Variants in ATRX observed in about 807,000 individuals in gnomAD.
ATRX encodes ATRX chromatin remodeler, also known as chromatin remodeler ATRX.
ATRX carries 12 observed loss-of-function variants against 172.6 expected under a neutral mutation model. The observed-to-expected ratio is 0.07, with a 90% CI of 0.04 to 0.11. The LOEUF (loss-of-function observed/expected upper bound fraction) is 0.11, where lower values mean the gene tolerates loss of function less well. Ranked by LOEUF, ATRX falls within the 10% of genes least tolerant of loss-of-function variation. The pLI is 1.00. For synonymous variants in ATRX, 674 were observed against 594.7 expected, an observed-to-expected ratio of 1.13 and a Z score of -1.94; for missense variants, 1,368 against 1,767.4, an observed-to-expected ratio of 0.77 and a Z score of 4.05.
intron 30 of ATRX, 77 bp downstream of exon 30, chrX:77,557,374 T>C: frequency 1.0e-6 from 1 of 956,052 alleles, no homozygotes; most frequent in Non-Finnish European, 1.5e-6. Flanking sequence ...CTTAATCAGA[T>C]GACTAAATTT....
Position 77,504,940 on chromosome X carries a change from T to C in ATRX, c.*3411A>G. The C allele has an allele frequency of 6.3e-6, 1 of 158,269 alleles. No homozygotes were observed. Among genetic ancestry groups the C allele is most frequent in the Middle Eastern group, 2.1e-3 (1 of 474 alleles). The allele number at this position is 158,269 out of a possible 1,213,427, so 13.0% of individuals were successfully genotyped here. A position where few individuals can be genotyped will look rare whatever the true frequency, so the allele number is the denominator to read the frequency against. On this transcript the variant is annotated 3_prime_UTR_variant, in exon 35 of 35. Coordinates refer to ENST00000373344, the MANE Select transcript of ATRX (RefSeq NM_000489.6). Reference sequence around the variant, plus strand: ...TAGTATATATAAAATGTTGTGAAGATGAAAGCATTTCTGAAACTTGATCAC... The same window carrying C: ...TAGTATATATAAAATGTTGTGAAGACGAAAGCATTTCTGAAACTTGATCAC...
chrX:77,735,839 T>A (rs782736601), intron 1 of ATRX, among the ~76,000 whole-genome samples: 225 of 54,037 alleles, frequency 4.2e-3, no homozygotes, highest in Middle Eastern at 0.034. Context: ...TAAATAAAAA[T>A]AAATAAATAC....
chrX:77,595,260 T>C (rs868967934), intron 25 of ATRX: 17 of 111,466 alleles, frequency 1.5e-4, no homozygotes, highest in African/African-American at 5.5e-4. Context: ...TAAGGTTATT[T>C]TCTCAGGTGT....
chrX:77,507,665 A>G lies in ATRX; in HGVS notation c.*686T>C, dbSNP rs918245426. The G allele has an allele frequency of 5.7e-5, 10 of 174,374 alleles. No individual in the cohort carries two copies. The highest frequency in any genetic ancestry group is 2.6e-4 in the African/African-American group (9 of 34,014). 14.4% of individuals were successfully genotyped at this position (174,374 alleles called of 1,213,427 possible). A position where few individuals can be genotyped will look rare whatever the true frequency, so the allele number is the denominator to read the frequency against. On this transcript the variant is annotated 3_prime_UTR_variant, in exon 35 of 35. Transcript: ENST00000373344. The stretch of plus-strand genomic sequence containing the variant: ...AATGGCAGAAGGACTAAAGAAGAAA[A>G]AGGAATTCTCTTCTTAGGCTATACT...
chrX:77,655,852 T>C (rs2069520140), intron 13 of ATRX, among the ~76,000 whole-genome samples: 1 of 111,185 alleles, frequency 9.0e-6, no homozygotes, highest in Non-Finnish European at 1.9e-5. Flanking sequence ...GATAGACACC[T>C]TTGTAGACAT....
At chrX:77,781,207 G>A (rs1557205416) in intron 1 of ATRX, among the ~76,000 whole-genome samples, 1 of 110,348 alleles carries the variant, frequency 9.1e-6, no homozygotes, top group Non-Finnish European at 1.9e-5. Flanking sequence ...TTTGGAGGCC[G>A]AAGCGGGTGG....
At chrX:77,557,836 T>A (rs1480977570) in intron 29 of ATRX, among the ~76,000 whole-genome samples, 191 bp from the exon 30 acceptor site, 3 of 111,853 alleles carry the variant, frequency 2.7e-5, no homozygotes, top group Non-Finnish European at 5.6e-5. Context: ...TAGTTTACCA[T>A]AATAAATAAA....
intron 1 of ATRX, chrX:77,728,096 A>G (rs2074133923): frequency 9.0e-6 from 1 of 111,107 alleles, no homozygotes; most frequent in African/African-American, 3.3e-5. Flanking sequence ...TTCCACTATT[A>G]AACCAAGTGT....
intron 25 of ATRX, chrX:77,597,010 G>C (rs2066489334): frequency 9.0e-6 from 1 of 111,004 alleles, no homozygotes; most frequent in Non-Finnish European, 1.9e-5. Context: ...TTTTAATTAT[G>C]AGATGAGAGA....
chrX:77,664,382 C>T (rs1292196766), intron 11 of ATRX, among the ~76,000 whole-genome samples: 2 of 109,761 alleles, frequency 1.8e-5, no homozygotes, highest in African/African-American at 3.3e-5. Flanking sequence ...GCCTCAGCCT[C>T]CTGAGTAGCT....
At chrX:77,668,055 T>C (rs782727785) in intron 10 of ATRX, among the ~76,000 whole-genome samples, 1 of 112,056 alleles carries the variant, frequency 8.9e-6, no homozygotes, top group South Asian at 3.7e-4. Context: ...AAGTCCAATA[T>C]GTCAAAGACC....
chrX:77,605,802 GAAAC>G (rs1197892635), intron 22 of ATRX, among the ~76,000 whole-genome samples: 1 of 110,926 alleles, frequency 9.0e-6, no homozygotes, highest in East Asian at 2.8e-4. Flanking sequence ...AAAGATCAAT[GAAAC>G]AAACACTTGG....
chrX:77,572,419 T>C (rs191672571), intron 28 of ATRX, among the ~76,000 whole-genome samples: 1 of 111,367 alleles, frequency 9.0e-6, no homozygotes, highest in Admixed American at 9.5e-5. Flanking sequence ...CCCCCAAGCA[T>C]TTTGGATAAG....
At position 77,733,862 on chromosome X, in the gene ATRX, C is replaced by G. The variant is rs184987975; in HGVS notation, c.21-16619G>C. ...TAGCACCACTGCACTCCAGCCTGGGCAACACAGTGAGACTCACTCTCAGAA... is the reference window on the plus strand; with the variant it reads ...TAGCACCACTGCACTCCAGCCTGGGGAACACAGTGAGACTCACTCTCAGAA... On this transcript the variant is annotated intron_variant, in intron 1 of 34. Coordinates refer to ENST00000373344, the MANE Select transcript of ATRX (RefSeq NM_000489.6). 4.3e-3 allele frequency among the ~76,000 whole-genome samples: 458 copies of G among 106,712 alleles called. 2 individuals carry two copies. Among genetic ancestry groups the G allele is most frequent in the South Asian group, 0.011 (26 of 2,398 alleles). The allele number at this position is 106,712 out of a possible 115,157, so 92.7% of individuals were successfully genotyped here.
At chrX:77,772,566 C>A (rs782031433) in intron 1 of ATRX, among the ~76,000 whole-genome samples, 2 of 107,407 alleles carry the variant, frequency 1.9e-5, no homozygotes, top group Admixed American at 2.0e-4. Flanking sequence ...AACCTCTGCC[C>A]CCTGGGTTCA....
chrX:77,608,070 T>C (rs1557091778), intron 22 of ATRX, among the ~76,000 whole-genome samples: 1 of 110,393 alleles, frequency 9.1e-6, no homozygotes, highest in Non-Finnish European at 1.9e-5. Context: ...CAAAACAGCA[T>C]CGTACTAGCA....
intron 30 of ATRX, among the ~76,000 whole-genome samples, chrX:77,539,637 C>G (rs1394394051): frequency 1.8e-5 from 2 of 110,569 alleles, no homozygotes; most frequent in Non-Finnish European, 3.8e-5. Context: ...ATCCTACAAG[C>G]CAGAAGAGAA....
intron 14 of ATRX, among the ~76,000 whole-genome samples, chrX:77,652,573 G>A (rs1204283743): frequency 2.8e-5 from 3 of 107,403 alleles, no homozygotes; most frequent in Non-Finnish European, 5.8e-5. Context: ...AGGCCGAGGC[G>A]GGTGGATCAC....
chrX:77,604,424 A>G (rs781924571), intron 22 of ATRX, among the ~76,000 whole-genome samples: 1 of 112,722 alleles, frequency 8.9e-6, no homozygotes, highest in East Asian at 2.8e-4. Flanking sequence ...CGTCAGAAAA[A>G]TGCAAATCAA....
Sources: allele counts gnomAD v4.1 joint callset (sites outside exome capture counted in the v4.1 genomes callset), GRCh38; gene constraint gnomAD v4.1.1; transcripts MANE v1.5; gene names NCBI Gene and HGNC (gene_info 2026-07-23, HGNC 2026-07-21).